The following TOMM20L variants were observed in gnomAD, a reference collection of about 807,000 sequenced individuals.
TOMM20L encodes the protein TOMM20-like protein 1.
A neutral mutation model predicts 20.4 loss-of-function variants in TOMM20L; 19 were observed. The observed-to-expected ratio is 0.93, with a 90% CI of 0.65 to 1.36. TOMM20L has a LOEUF of 1.36. TOMM20L is among the 40% of genes most tolerant of loss of function. TOMM20L has a pLI of 0.00. For missense variants in TOMM20L, 218 were observed against 203.7 expected (o/e 1.07, Z -0.43); for synonymous variants, 75 against 79.6 (o/e 0.94, Z 0.30).
downstream of TOMM20L, among the ~76,000 whole-genome samples, chr14:58,410,497 A>T (rs1023899897): frequency 6.6e-6 from 1 of 152,194 alleles, no homozygotes; most frequent in Non-Finnish European, 1.5e-5. Context: ...TTCCAAAGCC[A>T]ACCAGAATTC....
chr14:58,403,421 TCTTAATA>T (rs2140302974), intron 3 of TOMM20L, among the ~76,000 whole-genome samples: 1 of 152,320 alleles, frequency 6.6e-6, no homozygotes, highest in African/African-American at 2.4e-5. Flanking sequence ...CTTAGAATAT[TCTTAATA>T]CTTATTTACT....
chr14:58,405,623 G>A (rs1412738632), intron 3 of TOMM20L, among the ~76,000 whole-genome samples: 1 of 152,170 alleles, frequency 6.6e-6, no homozygotes, highest in Non-Finnish European at 1.5e-5. Flanking sequence ...TCGTGTCTCA[G>A]CCTCCCAAGT....
chr14:58,411,005 T>C, downstream of TOMM20L: 5 of 1,092,348 alleles, frequency 4.6e-6, no homozygotes, highest in Non-Finnish European at 6.8e-6. Flanking sequence ...AAACTTAAAT[T>C]ACTGGTATTT....
chr14:58,408,437 A>T, intron 4 of TOMM20L, 92 bp from the exon 5 acceptor site: 3 of 1,142,238 alleles, frequency 2.6e-6, no homozygotes, highest in Non-Finnish European at 3.8e-6. Flanking sequence ...AAAAAAGAAA[A>T]GTATATGTAA....
In TOMM20L at chr14:58,395,985, C is replaced by T; in HGVS notation, c.28C>T (p.Leu10Phe). MPSVRSLLRLLAAAAACGAF... is the reference protein window; with the variant it reads MPSVRSLLRFLAAAAACGAF... Reference sequence around the variant, plus strand: ...GCCCTCCGTCCGCTCCCTCCTCCGCCTCTTGGCCGCCGCGGCGGCCTGTGG... The same window carrying T: ...GCCCTCCGTCCGCTCCCTCCTCCGCTTCTTGGCCGCCGCGGCGGCCTGTGG... Residue 10 changes from leucine to phenylalanine, a missense_variant, in exon 1 of 5, where the codon CTC becomes TTC. Physicochemically the swap from Leu to Phe is conservative, Grantham distance 22 (BLOSUM62 0). Coordinates refer to ENST00000360945, the MANE Select transcript of TOMM20L (RefSeq NM_207377.3). 2 of 1,454,028 alleles carry T rather than the reference C, an allele frequency of 1.4e-6. No individual in the cohort carries two copies. Among genetic ancestry groups the T allele is most frequent in the Non-Finnish European group, 1.8e-6 (2 of 1,096,260 alleles). The allele number at this position is 1,454,028 out of a possible 1,614,324, so 90.1% of individuals were successfully genotyped here. A position where few individuals can be genotyped will look rare whatever the true frequency, so the allele number is the denominator to read the frequency against.
intron 2 of TOMM20L, 112 bp downstream of exon 2, chr14:58,396,453 G>C (rs1243643764): frequency 1.9e-5 from 23 of 1,232,328 alleles, no homozygotes; most frequent in Non-Finnish European, 1.8e-5. Flanking sequence ...TCAGCCGCCC[G>C]TGCCCGGGAA....
At chr14:58,406,624 T>C (rs1356017787) in intron 3 of TOMM20L, among the ~76,000 whole-genome samples, 3 of 152,230 alleles carry the variant, frequency 2.0e-5, no homozygotes, top group Non-Finnish European at 2.9e-5. Context: ...TTAATCAGCA[T>C]TGAAACTATA....
intron 4 of TOMM20L, 69 bp downstream of exon 4, chr14:58,407,537 G>A: frequency 6.8e-7 from 1 of 1,477,966 alleles, no homozygotes; most frequent in Non-Finnish European, 9.0e-7. Flanking sequence ...TGACTACACA[G>A]AAATATCAAA....
chr14:58,397,268 GTA>G (rs917858453), intron 2 of TOMM20L, among the ~76,000 whole-genome samples: 1 of 152,080 alleles, frequency 6.6e-6, no homozygotes, highest in Non-Finnish European at 1.5e-5. Flanking sequence ...ATGTATGTGT[GTA>G]TATATATGTG....
intron 2 of TOMM20L, among the ~76,000 whole-genome samples, chr14:58,399,363 C>T (rs11850903): frequency 1.3e-5 from 2 of 152,322 alleles, no homozygotes; most frequent in East Asian, 3.9e-4. Context: ...CCCAGCAATT[C>T]TGATCCAGTA....
chr14:58,408,053 A>T (rs754786649), intron 4 of TOMM20L, among the ~76,000 whole-genome samples: 8 of 152,214 alleles, frequency 5.3e-5, no homozygotes, highest in African/African-American at 9.6e-5. Context: ...ATTACAGTAT[A>T]ACAGTCAACT....
chr14:58,404,145 TTGG>T, intron 3 of TOMM20L, among the ~76,000 whole-genome samples: 1 of 42,430 alleles, frequency 2.4e-5, no homozygotes, highest in African/African-American at 6.3e-5. Flanking sequence ...TTTTTTTTTT[TTGG>T]AGACGGAGTC....
At chr14:58,399,729 A>T (rs971383903) in intron 2 of TOMM20L, among the ~76,000 whole-genome samples, 1 of 151,368 alleles carries the variant, frequency 6.6e-6, no homozygotes, top group African/African-American at 2.4e-5. Flanking sequence ...AAGTAAATTC[A>T]TCATCTCCCC....
intron 2 of TOMM20L, among the ~76,000 whole-genome samples, chr14:58,399,289 T>C (rs1009058955): frequency 1.3e-4 from 20 of 152,212 alleles, no homozygotes; most frequent in African/African-American, 4.8e-4. Context: ...TCCCAAAGTA[T>C]GGTCCATTGC....
chr14:58,396,023 C>G lies in TOMM20L; in HGVS notation c.66C>G (p.Phe22Leu), dbSNP rs752436646. The G allele has an allele frequency of 8.9e-6, 13 of 1,453,132 alleles. No individual in the cohort carries two copies. The Middle Eastern group carries it at 7.5e-4, about 83-fold the overall frequency. 90.0% of individuals were successfully genotyped at this position (1,453,132 alleles called of 1,614,324 possible). A position where few individuals can be genotyped will look rare whatever the true frequency, so the allele number is the denominator to read the frequency against. Residue 22 changes from phenylalanine (F) to leucine (L), a missense_variant, in exon 1 of 5, where the codon TTC (phenylalanine) becomes TTG (leucine). Physicochemically the swap from Phe to Leu is conservative, Grantham distance 22. Transcript: ENST00000360945. ...AAAAACGAFA[F>L]LGYCIYLNRK... is the part of the protein sequence containing the mutation. The stretch of plus-strand genomic sequence containing the variant: ...CGGCGGCCTGTGGCGCCTTCGCCTT[C>G]CTGGGCTATTGTATTTACCTCAACC...
At chr14:58,410,788 T>C, downstream of TOMM20L, 1 of 1,218,006 alleles carries the variant, frequency 8.2e-7, no homozygotes, top group Non-Finnish European at 1.2e-6. Flanking sequence ...AAGGGGATCC[T>C]ACTTAGAGTG....
chr14:58,416,211 G>A, the TOMM20L span, among the ~76,000 whole-genome samples: 1 of 152,076 alleles, frequency 6.6e-6, no homozygotes, highest in African/African-American at 2.4e-5. Context: ...CTGGGTGACA[G>A]AGTGAGACTC....
At chr14:58,411,872 T>G (rs766165941), downstream of TOMM20L, 18 of 1,607,492 alleles carry the variant, frequency 1.1e-5, no homozygotes, top group South Asian at 1.9e-4. Flanking sequence ...TACATTTTTT[T>G]GCAAAATCTT....
chr14:58,396,433 G>A, intron 2 of TOMM20L, 92 bp downstream of exon 2: 1 of 1,429,852 alleles, frequency 7.0e-7, no homozygotes, highest in Non-Finnish European at 9.7e-7. Flanking sequence ...GCAGCAGGTA[G>A]TTAGTTCCCT....
Sources: allele counts gnomAD v4.1 joint callset (sites outside exome capture counted in the v4.1 genomes callset), GRCh38; gene constraint gnomAD v4.1.1; transcripts MANE v1.5; gene names NCBI Gene and HGNC (gene_info 2026-07-23, HGNC 2026-07-21).